Variants in ITFG2 observed in about 807,000 individuals in gnomAD.
ITFG2 encodes the protein integrin alpha FG-GAP repeat containing 2.
In ITFG2, 36 loss-of-function variants were observed where a neutral mutation model predicts 54.4. The ratio of observed to expected loss-of-function variants is 0.66; its 90% CI spans 0.51 to 0.87. The LOEUF (loss-of-function observed/expected upper bound fraction) is 0.87, where lower values mean the gene tolerates loss of function less well. ITFG2 is among the 40% of genes least tolerant of loss of function. The probability of loss-of-function intolerance (pLI) is 0.00; values close to 1 mark genes in which losing one functional copy is unlikely to be tolerated. For synonymous variants in ITFG2, 211 were observed against 225.4 expected, an observed-to-expected ratio of 0.94 and a Z score of 0.57; for missense variants, 524 against 576.7, an observed-to-expected ratio of 0.91 and a Z score of 0.94.
chr12:2,820,895 A>G, intron 6 of ITFG2, 23 bp downstream of exon 6: 1 of 1,612,864 alleles, frequency 6.2e-7, no homozygotes, highest in Non-Finnish European at 8.5e-7. Context: ...AGGCCAGTGG[A>G]TGGTGTGGGG....
chr12:2,832,851 AC>A (rs1184774004), upstream of ITFG2, among the ~76,000 whole-genome samples: 2 of 149,460 alleles, frequency 1.3e-5, no homozygotes, highest in African/African-American at 5.0e-5. Flanking sequence ...TTGTTTTTCT[AC>A]CCTTAGATTA....
At chr12:2,833,242 AAC>A (rs1451829912), upstream of ITFG2, among the ~76,000 whole-genome samples, 7 of 152,106 alleles carry the variant, frequency 4.6e-5, no homozygotes, top group Admixed American at 2.0e-4. Flanking sequence ...CCTGGGGCCA[AAC>A]ACATGTAGGA....
intron 2 of ITFG2, among the ~76,000 whole-genome samples, chr12:2,841,719 ATT>A (rs113410637): frequency 0.2 from 29,012 of 147,530 alleles, 3,282 homozygotes; most frequent in South Asian, 0.34. Context: ...CTTTATATTG[ATT>A]TTTTTTTTTT....
Position 2,830,802 on chromosome 12 carries a change from C to G in ITFG2, c.*60-32C>G, listed in dbSNP as rs773039860. On this transcript the variant is annotated intron_variant and NMD_transcript_variant, in intron 2 of 2. Coordinates refer to the ITFG2 transcript ENST00000538822. ...CAGGTCCTGCATCCGGGGAGGCTCC[C>G]CCTGAAGCCAATTCGGGTTTCCCTC... is the stretch of plus-strand genomic sequence containing the variant. The G allele has an allele frequency of 1.9e-6, 3 of 1,613,766 alleles. No individual in the cohort carries two copies. In the East Asian group the frequency reaches 6.7e-5, roughly 36 times the overall value.
intron 2 of ITFG2, chr12:2,849,352 A>T (rs1390687131): frequency 6.5e-7 from 1 of 1,536,182 alleles, no homozygotes. Flanking sequence ...ATCCCTTATG[A>T]GGTCCTGGCT....
chr12:2,827,271 A>C (rs1183922339), downstream of ITFG2: 2 of 1,614,076 alleles, frequency 1.2e-6, no homozygotes, highest in Non-Finnish European at 1.7e-6. The surrounding 1 kb of genome is among the most constrained non-coding windows in gnomAD (Gnocchi z 4.0). Context: ...TTTCAGCCGC[A>C]GCACTCCGTG....
Position 2,858,921 on chromosome 12 carries a change from A to G in ITFG2, n.620+590A>G, listed in dbSNP as rs563190488. 10 of 1,613,654 alleles carry G rather than the reference A, an allele frequency of 6.2e-6. No individual in the cohort carries two copies. The South Asian group carries it at 7.7e-5, about 12-fold the overall frequency. On this transcript the variant is annotated intron_variant and non_coding_transcript_variant, in intron 3 of 3. Transcript: ENST00000537710. ...ACTGAGGAGCCTTTGCGGTGATTCA[A>G]GGGGGGGAGCACTTTGCAAGGGAGT...
intron 2 of ITFG2, chr12:2,854,884 G>GCAC (rs2098082305): frequency 6.6e-7 from 1 of 1,524,714 alleles, no homozygotes; most frequent in Non-Finnish European, 8.8e-7. Flanking sequence ...CCCTGAGGAG[G>GCAC]CACCGTCTTA....
At chr12:2,818,497 A>G in intron 4 of ITFG2, 1 of 804,742 alleles carries the variant, frequency 1.2e-6, no homozygotes, top group Admixed American at 2.8e-5. Context: ...TTATGAAGAA[A>G]CAGAAAAGAA....
downstream of ITFG2, chr12:2,828,228 T>G: frequency 8.3e-7 from 1 of 1,207,308 alleles, no homozygotes; most frequent in Non-Finnish European, 1.2e-6. Context: ...ACAGCTTTAT[T>G]GAGATAAAAT....
intron 4 of ITFG2, 153 bp from the exon 5 acceptor site, chr12:2,819,933 A>C (rs2097937274): frequency 2.1e-6 from 2 of 935,342 alleles, no homozygotes; most frequent in Non-Finnish European, 1.5e-6. Flanking sequence ...AAGATGCCGC[A>C]AACACAGGCA....
In ITFG2 at chr12:2,845,793, C is replaced by T. The variant is rs1603486165; in HGVS notation, n.300+4798C>T. On this transcript the variant is annotated intron_variant and non_coding_transcript_variant, in intron 2 of 3. Transcript: ENST00000537710. This position sits in a 1 kb window ranked among gnomAD's most constrained non-coding sequence, Gnocchi z 4.2. ...GGCTTTCAGGACCTCTAGGTTCATT[C>T]GTGTGTGGGGATGGAGTAAGGAGGT... 1.3e-5 allele frequency among the ~76,000 whole-genome samples: 2 copies of T among 152,166 alleles called. No homozygotes were observed. Among genetic ancestry groups the T allele is most frequent in the East Asian group, 3.9e-4 (2 of 5,184 alleles).
In ITFG2 at chr12:2,852,042, A is replaced by T. The variant is rs565063578; in HGVS notation, n.301-5970A>T. ...ATGTTAAGACAACTTCAACATCATC[A>T]GGCAGGAGTTTTTTTTTTAGCTCCA... On this transcript the variant is annotated intron_variant and non_coding_transcript_variant, in intron 2 of 3. Coordinates refer to the ITFG2 transcript ENST00000537710. Among the ~76,000 whole-genome samples the T allele has an allele frequency of 2.0e-5, 3 of 152,344 alleles. No individual in the cohort carries two copies. In the East Asian group the frequency reaches 5.8e-4, roughly 29 times the overall value.
chr12:2,826,160 A>G (rs1420670420), downstream of ITFG2: 1 of 151,614 alleles, frequency 6.6e-6, no homozygotes, highest in Admixed American at 6.6e-5. Flanking sequence ...TTCTCTTCAC[A>G]GTGAATTCAA....
At chr12:2,841,989 T>C (rs1351915188) in intron 2 of ITFG2, among the ~76,000 whole-genome samples, 1 of 151,978 alleles carries the variant, frequency 6.6e-6, no homozygotes, top group Non-Finnish European at 1.5e-5. Context: ...AGTGCTGGGA[T>C]TACAGGCATG....
intron 1 of ITFG2, among the ~76,000 whole-genome samples, chr12:2,816,644 T>C (rs2097922753): frequency 6.8e-6 from 1 of 148,046 alleles, no homozygotes; most frequent in East Asian, 2.0e-4. Flanking sequence ...TTCTTTTTTT[T>C]TTTTTTTTTT....
intron 2 of ITFG2, among the ~76,000 whole-genome samples, chr12:2,854,085 GCAC>G (rs2098079777): frequency 6.6e-6 from 1 of 152,164 alleles, no homozygotes; most frequent in Non-Finnish European, 1.5e-5. Flanking sequence ...GAGTGCAATG[GCAC>G]CATCTTGGCT....
intron 2 of ITFG2, chr12:2,855,052 C>G: frequency 6.5e-7 from 1 of 1,535,982 alleles, no homozygotes. Flanking sequence ...CGTGGGATAA[C>G]AGTGGATGAA....
At chr12:2,858,805 C>T (rs2098098923) in intron 3 of ITFG2, 9 of 1,614,168 alleles carry the variant, frequency 5.6e-6, no homozygotes, top group Non-Finnish European at 7.6e-6. Flanking sequence ...AGGCCAGAAA[C>T]CTGTGGCTCC....
Sources: allele counts gnomAD v4.1 joint callset (sites outside exome capture counted in the v4.1 genomes callset), GRCh38; gene constraint gnomAD v4.1.1; non-coding constraint Gnocchi (gnomAD v3.1); transcripts MANE v1.5; gene names NCBI Gene and HGNC (gene_info 2026-07-23, HGNC 2026-07-21).